Variants in GRIP1 observed in about 807,000 individuals in gnomAD.
GRIP1 encodes glutamate receptor interacting protein 1, also known as glutamate receptor-interacting protein 1.
GRIP1 carries 45 observed loss-of-function variants against 129.9 expected under a neutral mutation model. The observed-to-expected ratio is 0.35, with a 90% CI of 0.27 to 0.44. The LOEUF is 0.44. Among genes scored for constraint, GRIP1 ranks in the 20% least tolerant of loss-of-function variants. GRIP1 has a pLI of 1.00. For missense variants in GRIP1, 1,196 were observed against 1,396.8 expected (o/e 0.86, Z 2.29); for synonymous variants, 530 against 520.8 (o/e 1.02, Z -0.24).
At chr12:67,009,045 C>T (rs751606271) in intron 1 of GRIP1, among the ~76,000 whole-genome samples, 3 of 152,106 alleles carry the variant, frequency 2.0e-5, no homozygotes, top group Non-Finnish European at 4.4e-5. Context: ...AATTGAGACA[C>T]TGGAGTTTTA....
At chr12:66,942,247 T>C (rs1376507337) in intron 1 of GRIP1, among the ~76,000 whole-genome samples, 1 of 152,062 alleles carries the variant, frequency 6.6e-6, no homozygotes, top group Non-Finnish European at 1.5e-5. Flanking sequence ...ATTAAGTGGT[T>C]TTTCTTTCTT....
chr12:66,589,194 T>TCTCTCTC (rs2063757008), intron 2 of GRIP1, among the ~76,000 whole-genome samples: 11 of 95,630 alleles, frequency 1.2e-4, no homozygotes, highest in African/African-American at 5.0e-4. Context: ...CTCCCCCACC[T>TCTCTCTC]TCTCTCTCTC....
At chr12:66,690,389 C>T (rs1409494695) in intron 1 of GRIP1, among the ~76,000 whole-genome samples, 2 of 151,700 alleles carry the variant, frequency 1.3e-5, no homozygotes, top group African/African-American at 4.9e-5. Flanking sequence ...CACACACACA[C>T]ACACACACCA....
intron 1 of GRIP1, among the ~76,000 whole-genome samples, chr12:66,704,886 C>T (rs2035473387): frequency 1.3e-5 from 2 of 152,076 alleles, no homozygotes; most frequent in Non-Finnish European, 2.9e-5. Context: ...GATTGCACTG[C>T]CATCTCTCTT....
chr12:66,446,368 C>A (rs904567462), intron 11 of GRIP1, among the ~76,000 whole-genome samples: 1 of 152,054 alleles, frequency 6.6e-6, no homozygotes, highest in African/African-American at 2.4e-5. Context: ...CCTCTGCCTG[C>A]AGGTCCTATG....
chr12:66,386,315 G>A (rs1281557676), intron 19 of GRIP1, among the ~76,000 whole-genome samples: 2 of 152,130 alleles, frequency 1.3e-5, no homozygotes, highest in South Asian at 2.1e-4. Flanking sequence ...ACTAATCAGT[G>A]TGGGTTCATA....
At chr12:67,056,879 C>T (rs886940948) in intron 1 of GRIP1, among the ~76,000 whole-genome samples, 2 of 152,152 alleles carry the variant, frequency 1.3e-5, no homozygotes, top group African/African-American at 2.4e-5. Context: ...GGCATGTTCT[C>T]GGCTCACTGC....
rs145786130 is a variant in GRIP1, at chr12:66,515,785, T to A, written c.579-21A>T. 7,118 of 1,609,210 alleles carry A rather than the reference T, an allele frequency of 4.4e-3. 25 individuals are homozygous for A. The highest frequency in any genetic ancestry group is 5.4e-3 in the Non-Finnish European group (6,308 of 1,175,742). ...CCTCTCTGAAGGGAGAATAAAGGAATAGTCTTGATTAATTTAGCATAATGG... is the reference window on the plus strand; with the variant it reads ...CCTCTCTGAAGGGAGAATAAAGGAAAAGTCTTGATTAATTTAGCATAATGG... On this transcript the variant is annotated intron_variant, in intron 6 of 24. Transcript: ENST00000359742.
In GRIP1 at chr12:66,688,480, T is replaced by A. The variant is rs545906573; in HGVS notation, c.-419-58144A>T. Among the ~76,000 whole-genome samples, 3 of 152,130 alleles carry A rather than the reference T, an allele frequency of 2.0e-5. No homozygotes were observed. The East Asian group carries it at 5.8e-4, about 29-fold the overall frequency. Reference sequence around the variant, plus strand: ...ACTGAAAAATTAGGAGGCTCCAGAGTCCATTCCATTTGTAATATAGTTATA... The same window carrying A: ...ACTGAAAAATTAGGAGGCTCCAGAGACCATTCCATTTGTAATATAGTTATA... On this transcript the variant is annotated intron_variant, in intron 1 of 4. Coordinates refer to the GRIP1 transcript ENST00000538373.
chr12:67,004,779 T>G (rs2042602995), intron 1 of GRIP1, among the ~76,000 whole-genome samples: 1 of 152,060 alleles, frequency 6.6e-6, no homozygotes, highest in African/African-American at 2.4e-5. Context: ...ATAAAAGTAT[T>G]ATAGAGTTGG....
At chr12:66,583,634 G>C (rs542327791) in intron 2 of GRIP1, among the ~76,000 whole-genome samples, 1 of 140,218 alleles carries the variant, frequency 7.1e-6, no homozygotes, top group African/African-American at 2.6e-5. Flanking sequence ...AGACATTTAC[G>C]CAGCCAAAAA....
intron 1 of GRIP1, among the ~76,000 whole-genome samples, chr12:67,025,463 C>T (rs558227386): frequency 1.3e-5 from 2 of 152,262 alleles, no homozygotes; most frequent in South Asian, 2.1e-4. Flanking sequence ...AAACAAGAAA[C>T]TTTAAATTCT....
intron 1 of GRIP1, among the ~76,000 whole-genome samples, chr12:66,725,638 G>A (rs2036229467): frequency 6.6e-6 from 1 of 152,054 alleles, no homozygotes; most frequent in African/African-American, 2.4e-5. Flanking sequence ...TAGAAATGAT[G>A]TAAGCGATCA....
chr12:66,478,255 C>A (rs995947744), intron 7 of GRIP1, among the ~76,000 whole-genome samples: 3 of 152,188 alleles, frequency 2.0e-5, no homozygotes, highest in African/African-American at 7.2e-5. Context: ...GACATTTATG[C>A]AGCCAACAGA....
At chr12:66,932,248 C>T (rs35928413) in intron 1 of GRIP1, among the ~76,000 whole-genome samples, 29,227 of 152,110 alleles carry the variant, frequency 0.19, 3,257 homozygotes, top group South Asian at 0.26. Flanking sequence ...CAAAGAAAGC[C>T]TCATGATGTT....
At chr12:66,529,548 A>G (rs780204165) in intron 5 of GRIP1, among the ~76,000 whole-genome samples, 8 of 152,188 alleles carry the variant, frequency 5.3e-5, no homozygotes, top group Non-Finnish European at 1.0e-4. Context: ...GGAAAATCAA[A>G]TATCGTATGT....
At chr12:66,715,433 A>C (rs1277899630) in intron 1 of GRIP1, among the ~76,000 whole-genome samples, 1 of 131,162 alleles carries the variant, frequency 7.6e-6, no homozygotes, top group Non-Finnish European at 1.6e-5. Flanking sequence ...ATTCTGCCAC[A>C]GCAATGAATT....
At chr12:66,735,424 A>T (rs535615982) in intron 1 of GRIP1, among the ~76,000 whole-genome samples, 144 of 152,324 alleles carry the variant, frequency 9.5e-4, no homozygotes, top group Admixed American at 2.3e-3. Context: ...TGTGAAGTCA[A>T]TAATAAACAC....
At chr12:66,530,901 A>G (rs1211831943) in intron 4 of GRIP1, among the ~76,000 whole-genome samples, 1 of 151,938 alleles carries the variant, frequency 6.6e-6, no homozygotes, top group East Asian at 1.9e-4. Context: ...TTACATTGCT[A>G]CTAGATCCTG....
Sources: allele counts gnomAD v4.1 joint callset (sites outside exome capture counted in the v4.1 genomes callset), GRCh38; gene constraint gnomAD v4.1.1; transcripts MANE v1.5; gene names NCBI Gene and HGNC (gene_info 2026-07-23, HGNC 2026-07-21).